Variants in SOX5 observed in about 807,000 individuals in gnomAD.
SOX5 encodes the protein SRY-box transcription factor 5.
A neutral mutation model predicts 92.0 loss-of-function variants in SOX5; 9 were observed. That is an observed-to-expected ratio of 0.10 (90% confidence interval 0.06 to 0.17). SOX5 has a LOEUF of 0.17. Among genes scored for constraint, SOX5 ranks in the 10% least tolerant of loss-of-function variants. SOX5 has a pLI of 1.00. For synonymous variants in SOX5, 344 were observed against 336.3 expected, an observed-to-expected ratio of 1.02 and a Z score of -0.25; for missense variants, 642 against 944.5, an observed-to-expected ratio of 0.68 and a Z score of 4.20.
intron 6 of SOX5, among the ~76,000 whole-genome samples, chr12:23,688,579 C>T (rs770740534): frequency 6.6e-6 from 1 of 152,056 alleles, no homozygotes; most frequent in Non-Finnish European, 1.5e-5. Context: ...CTATGCCTCA[C>T]TTACATTCTA....
At chr12:24,235,739 T>G (rs147534802) in intron 3 of SOX5, among the ~76,000 whole-genome samples, 43 of 152,348 alleles carry the variant, frequency 2.8e-4, no homozygotes, top group African/African-American at 8.9e-4. Flanking sequence ...TCTCTAATTT[T>G]CCATAGTCAA....
At position 24,018,519 on chromosome 12, in the gene SOX5, G is replaced by T. The variant is rs186356059; in HGVS notation, c.-1-122495C>A. 5.8e-4 allele frequency among the ~76,000 whole-genome samples: 88 copies of T among 152,254 alleles called. No homozygotes were observed. In the Middle Eastern group the frequency reaches 0.01, roughly 18 times the overall value. ...ATATTTATAAGAGCAGAGCTGGCTG[G>T]GCGTGGTGGCTCATACCTGTAATCC... On this transcript the variant is annotated intron_variant, in intron 4 of 4. Transcript: ENST00000446891.
intron 3 of SOX5, among the ~76,000 whole-genome samples, chr12:23,845,368 G>C (rs74067952): frequency 6.6e-6 from 1 of 151,244 alleles, no homozygotes; most frequent in African/African-American, 2.4e-5. Context: ...TTATTGGCTT[G>C]TTTGCTTTAA....
chr12:24,148,689 A>G (rs1333111177), intron 4 of SOX5, among the ~76,000 whole-genome samples: 40 of 46,904 alleles, frequency 8.5e-4, no homozygotes, highest in African/African-American at 6.9e-3. Flanking sequence ...CATCTCTACT[A>G]AAAAAAAAAA....
intron 8 of SOX5, among the ~76,000 whole-genome samples, chr12:23,615,855 T>C (rs757375053): frequency 3.3e-5 from 5 of 152,196 alleles, no homozygotes; most frequent in South Asian, 2.1e-4. Flanking sequence ...TATTTGAATT[T>C]GACTTTAAAG....
chr12:23,808,663 T>A (rs2095823480), intron 3 of SOX5, among the ~76,000 whole-genome samples: 1 of 152,102 alleles, frequency 6.6e-6, no homozygotes, highest in Non-Finnish European at 1.5e-5. Flanking sequence ...ATATAACTAG[T>A]GGGCATCTTT....
chr12:23,622,746 C>G (rs2077331041), intron 8 of SOX5, among the ~76,000 whole-genome samples: 1 of 151,942 alleles, frequency 6.6e-6, no homozygotes, highest in Admixed American at 6.6e-5. Context: ...CTATGCTATA[C>G]CATCATTAAT....
Position 23,575,881 on chromosome 12 carries a change from G to C in SOX5, c.1165-43C>G, listed in dbSNP as rs370098269. Reference sequence around the variant, plus strand: ...ACATGAGCTGTGATAAGGAAAGGCTGATAAAAAATGCCTAGAAAAACACAG... The same window carrying C: ...ACATGAGCTGTGATAAGGAAAGGCTCATAAAAAATGCCTAGAAAAACACAG... On this transcript the variant is annotated intron_variant, in intron 9 of 14. Coordinates refer to ENST00000451604, the MANE Select transcript of SOX5 (RefSeq NM_006940.6). 5.4e-4 allele frequency: 787 copies of C among 1,457,724 alleles called. 15 individuals carry two copies. The South Asian group carries it at 0.01, about 19-fold the overall frequency. 90.3% of individuals were successfully genotyped at this position (1,457,724 alleles called of 1,614,324 possible). A position where few individuals can be genotyped will look rare whatever the true frequency, so the allele number is the denominator to read the frequency against.
At chr12:24,451,277 T>C (rs545395388) in intron 1 of SOX5, among the ~76,000 whole-genome samples, 1 of 152,196 alleles carries the variant, frequency 6.6e-6, no homozygotes, top group Non-Finnish European at 1.5e-5. Flanking sequence ...ATCTCATATA[T>C]ATATATACTG....
At chr12:23,701,806 T>C (rs1181963166) in intron 6 of SOX5, among the ~76,000 whole-genome samples, 1 of 152,112 alleles carries the variant, frequency 6.6e-6, no homozygotes, top group Non-Finnish European at 1.5e-5. Context: ...CAAGGGGAGC[T>C]CCTGGTAGGT....
At chr12:24,327,132 C>T (rs537156573) in intron 2 of SOX5, among the ~76,000 whole-genome samples, 49 of 152,240 alleles carry the variant, frequency 3.2e-4, no homozygotes, top group African/African-American at 6.3e-4. Flanking sequence ...TTAAAAATTA[C>T]GTGATGATTA....
At chr12:23,986,329 A>G (rs1257560193) in intron 4 of SOX5, among the ~76,000 whole-genome samples, 1 of 152,174 alleles carries the variant, frequency 6.6e-6, no homozygotes, top group Non-Finnish European at 1.5e-5. Context: ...CCCAGGCCTC[A>G]TGAAGTTTGC....
At chr12:23,860,802 A>G (rs1465752286) in intron 2 of SOX5, among the ~76,000 whole-genome samples, 1 of 152,168 alleles carries the variant, frequency 6.6e-6, no homozygotes, top group Non-Finnish European at 1.5e-5. Flanking sequence ...CAGGGAGAAG[A>G]GCAAATGGCC....
At position 23,529,665 on chromosome 12, in the gene SOX5, T is replaced by G. The variant is rs912613523; in HGVS notation, c.*4554A>C. ...AAGAGCACATAAACTCCTGTTTTAT[T>G]TTTATTGTGGCATGAATGATAACAT... is the stretch of plus-strand genomic sequence containing the variant. On this transcript the variant is annotated 3_prime_UTR_variant, in exon 15 of 15. Transcript: ENST00000451604. 2.0e-5 allele frequency: 3 copies of G among 152,160 alleles called. No individual in the cohort carries two copies. Among genetic ancestry groups the G allele is most frequent in the African/African-American group, 7.2e-5 (3 of 41,452 alleles). 9.4% of individuals were successfully genotyped at this position (152,160 alleles called of 1,614,324 possible).
intron 1 of SOX5, among the ~76,000 whole-genome samples, chr12:24,543,035 A>C (rs1054553295): frequency 1.3e-5 from 2 of 152,264 alleles, no homozygotes; most frequent in African/African-American, 4.8e-5. Context: ...AACATTGATA[A>C]ATTAATAAAG....
intron 9 of SOX5, among the ~76,000 whole-genome samples, chr12:23,577,556 T>C (rs1237533184): frequency 6.6e-6 from 1 of 152,028 alleles, no homozygotes; most frequent in African/African-American, 2.4e-5. Context: ...ATTCTGTGGT[T>C]ATGTGCACTT....
chr12:24,177,936 T>C (rs997758481), intron 4 of SOX5, among the ~76,000 whole-genome samples: 2 of 152,190 alleles, frequency 1.3e-5, no homozygotes, highest in Non-Finnish European at 1.5e-5. Flanking sequence ...ATCAGAATAA[T>C]ACCAATCCTG....
chr12:24,065,805 C>A (rs1369377175), intron 4 of SOX5, among the ~76,000 whole-genome samples: 3 of 152,118 alleles, frequency 2.0e-5, no homozygotes, highest in African/African-American at 7.2e-5. Flanking sequence ...CCTTAATCTC[C>A]ATGAAATGCA....
chr12:23,548,716 TA>T (rs1445183411), intron 11 of SOX5, among the ~76,000 whole-genome samples: 1 of 151,844 alleles, frequency 6.6e-6, no homozygotes, highest in Non-Finnish European at 1.5e-5. Flanking sequence ...ATAACTTAAG[TA>T]AAAAATAATT....
Sources: allele counts gnomAD v4.1 joint callset (sites outside exome capture counted in the v4.1 genomes callset), GRCh38; gene constraint gnomAD v4.1.1; transcripts MANE v1.5; gene names NCBI Gene and HGNC (gene_info 2026-07-23, HGNC 2026-07-21).